Variants in RARB observed in about 807,000 individuals in gnomAD.
RARB encodes retinoic acid receptor beta, also known as HBV-activated protein.
Under a neutral mutation model 51.9 loss-of-function variants are expected in RARB, and 17 were observed. The observed-to-expected ratio is 0.33, with a 90% CI of 0.22 to 0.49. The LOEUF (loss-of-function observed/expected upper bound fraction) is 0.49. Among genes scored for constraint, RARB ranks in the 20% least tolerant of loss-of-function variants. RARB has a pLI of 0.99. For synonymous variants in RARB, 215 were observed against 195.4 expected (o/e 1.10, Z -0.84); for missense variants, 369 against 550.8 (o/e 0.67, Z 3.30).
intron 3 of RARB, among the ~76,000 whole-genome samples, chr3:25,063,572 T>A (rs1287556651): frequency 6.6e-6 from 1 of 152,032 alleles, no homozygotes; most frequent in Non-Finnish European, 1.5e-5. Context: ...ATGAAATAAA[T>A]GTGAGTGAAA....
intron 4 of RARB, among the ~76,000 whole-genome samples, chr3:25,570,641 G>A (rs1347614883): frequency 2.6e-5 from 4 of 152,234 alleles, no homozygotes; most frequent in African/African-American, 4.8e-5. Flanking sequence ...TGTGCCAGTG[G>A]AGGGGTCATG....
intron 5 of RARB, among the ~76,000 whole-genome samples, chr3:25,385,461 G>A: frequency 6.6e-6 from 1 of 152,098 alleles, no homozygotes; most frequent in East Asian, 1.9e-4. Context: ...CTACATGTCA[G>A]CTACTGGACA....
intron 5 of RARB, among the ~76,000 whole-genome samples, chr3:25,175,508 A>G (rs1411929174): frequency 6.6e-6 from 1 of 152,098 alleles, no homozygotes; most frequent in Non-Finnish European, 1.5e-5. Flanking sequence ...ATCTTTCTAT[A>G]TTGTGCTCTT....
chr3:25,384,359 T>C (rs1371420686), intron 5 of RARB, among the ~76,000 whole-genome samples: 1 of 152,208 alleles, frequency 6.6e-6, no homozygotes, highest in Admixed American at 6.5e-5. Flanking sequence ...TGTTATTTCC[T>C]ATTAACCGAT....
rs546780380 is a variant in RARB at position 25,359,730 on chromosome 3, T to A, written c.179-101463T>A. Among the ~76,000 whole-genome samples, 8 of 152,270 alleles carry A rather than the reference T, an allele frequency of 5.3e-5. No homozygotes were observed. In the South Asian group the frequency reaches 1.5e-3, roughly 28 times the overall value. On this transcript the variant is annotated intron_variant, in intron 5 of 11. Coordinates refer to the RARB transcript ENST00000383772. The stretch of plus-strand genomic sequence containing the variant: ...TTTATTTCTGCCTCAATTTTGTTAT[T>A]TACCCAGTAGTCATTCAGGAGCAGG...
intron 5 of RARB, among the ~76,000 whole-genome samples, chr3:25,362,294 G>C (rs1705966884): frequency 6.6e-6 from 1 of 152,172 alleles, no homozygotes; most frequent in Admixed American, 6.5e-5. Flanking sequence ...ACTGTGAAGG[G>C]AAAACTGCCT....
At position 25,364,155 on chromosome 3, in the gene RARB, T is replaced by C. The variant is rs1044488403; in HGVS notation, c.179-97038T>C. On this transcript the variant is annotated intron_variant, in intron 5 of 11. Coordinates refer to the RARB transcript ENST00000383772. ...TTTTGTTTTATTTTGTGATTTATTATCCAGATTCTTCTGTTAGAATCTGAA... is the reference window on the plus strand; with the variant it reads ...TTTTGTTTTATTTTGTGATTTATTACCCAGATTCTTCTGTTAGAATCTGAA... Among the ~76,000 whole-genome samples the C allele has an allele frequency of 1.8e-4, 28 of 152,218 alleles. 1 individual carries two copies. The highest frequency in any genetic ancestry group is 1.7e-3 in the Admixed American group (26 of 15,276).
At chr3:24,891,901 C>T (rs556063702) in intron 2 of RARB, among the ~76,000 whole-genome samples, 7 of 152,140 alleles carry the variant, frequency 4.6e-5, no homozygotes, top group Non-Finnish European at 7.4e-5. Context: ...CTTTCCTAAG[C>T]CCCCCTTGAT....
chr3:25,415,300 T>G (rs1274352210), intron 5 of RARB, among the ~76,000 whole-genome samples: 5 of 152,210 alleles, frequency 3.3e-5, no homozygotes, highest in African/African-American at 1.2e-4. Context: ...TTTTCTCCTA[T>G]TTTCTTCTAA....
intron 5 of RARB, among the ~76,000 whole-genome samples, chr3:25,230,330 G>T (rs568798232): frequency 6.6e-6 from 1 of 152,028 alleles, no homozygotes; most frequent in Non-Finnish European, 1.5e-5. Flanking sequence ...AGTGAACTTA[G>T]TGGTCAAGCT....
At chr3:25,526,917 A>G (rs1698675589) in intron 3 of RARB, among the ~76,000 whole-genome samples, 1 of 152,192 alleles carries the variant, frequency 6.6e-6, no homozygotes, top group Non-Finnish European at 1.5e-5. Flanking sequence ...TTCTTGCCAG[A>G]AAACCTTACT....
At chr3:25,295,931 G>A (rs1353434335) in intron 5 of RARB, among the ~76,000 whole-genome samples, 6 of 152,186 alleles carry the variant, frequency 3.9e-5, no homozygotes, top group Non-Finnish European at 2.9e-5. Flanking sequence ...TATGGAGATG[G>A]AGGATTTATT....
chr3:25,235,673 C>A (rs1327433956), intron 5 of RARB, among the ~76,000 whole-genome samples: 1 of 152,180 alleles, frequency 6.6e-6, no homozygotes, highest in African/African-American at 2.4e-5. Context: ...TCTATTACAG[C>A]TCTTGAGTGA....
chr3:25,361,123 C>T (rs769637708), intron 5 of RARB, among the ~76,000 whole-genome samples: 19 of 152,132 alleles, frequency 1.2e-4, no homozygotes, highest in Non-Finnish European at 1.5e-4. Flanking sequence ...ACCAATCAAA[C>T]GTAGGTTTGG....
intron 3 of RARB, among the ~76,000 whole-genome samples, chr3:25,530,139 T>A (rs1392612164): frequency 6.6e-6 from 1 of 152,176 alleles, no homozygotes; most frequent in Non-Finnish European, 1.5e-5. Flanking sequence ...GCCTGAGTGT[T>A]ATCTACCCCT....
intron 2 of RARB, among the ~76,000 whole-genome samples, chr3:24,878,254 T>C (rs954268917): frequency 2.0e-5 from 3 of 151,846 alleles, no homozygotes; most frequent in Non-Finnish European, 2.9e-5. Context: ...GTCTCTTCCA[T>C]CATTTTTTTA....
intron 3 of RARB, among the ~76,000 whole-genome samples, chr3:25,532,137 G>A (rs1698955273): frequency 6.6e-6 from 1 of 152,070 alleles, no homozygotes; most frequent in Non-Finnish European, 1.5e-5. Context: ...ACTGAGGGAG[G>A]GCTGCAAAGG....
At chr3:24,932,551 C>T (rs376652360) in intron 2 of RARB, among the ~76,000 whole-genome samples, 71 of 152,104 alleles carry the variant, frequency 4.7e-4, no homozygotes, top group Non-Finnish European at 6.8e-4. Flanking sequence ...CACATACCTA[C>T]GGCTATATAT....
At chr3:24,963,401 C>T (rs2125412924) in intron 2 of RARB, among the ~76,000 whole-genome samples, 1 of 140,562 alleles carries the variant, frequency 7.1e-6, no homozygotes, top group East Asian at 2.3e-4. Context: ...ACATTAGGGC[C>T]TAATGGCTTC....
Sources: gnomAD v4.1 joint callset for allele counts (sites outside exome capture counted in the v4.1 genomes callset) on GRCh38, gnomAD v4.1.1 for gene constraint, MANE v1.5 for transcripts, NCBI Gene and HGNC (gene_info 2026-07-23, HGNC 2026-07-21) for gene names.